Variants in PKHD1 observed in about 807,000 individuals in gnomAD.
PKHD1 encodes the protein PKHD1 ciliary IPT domain containing fibrocystin/polyductin.
A neutral mutation model predicts 412.0 loss-of-function variants in PKHD1; 291 were observed. The ratio of observed to expected loss-of-function variants is 0.71; its 90% CI spans 0.64 to 0.78. The LOEUF (loss-of-function observed/expected upper bound fraction) is 0.78. Ranked by LOEUF, PKHD1 falls within the 30% of genes least tolerant of loss-of-function variation. PKHD1 has a pLI of 0.00. For missense variants in PKHD1, 4,825 were observed against 4,950.7 expected (o/e 0.97, Z 0.76); for synonymous variants, 1,777 against 1,821.5 (o/e 0.98, Z 0.62).
At chr6:51,981,527 C>G (rs543339163) in intron 35 of PKHD1, among the ~76,000 whole-genome samples, 21 of 151,740 alleles carry the variant, frequency 1.4e-4, no homozygotes, top group Middle Eastern at 3.4e-3. Context: ...CTGTGTTGGC[C>G]GGGCTGGTCT....
intron 27 of PKHD1, among the ~76,000 whole-genome samples, chr6:52,037,961 T>C (rs1046041351): frequency 2.0e-5 from 3 of 152,166 alleles, no homozygotes; most frequent in Admixed American, 6.5e-5. Context: ...GTTATTACCC[T>C]AGATCCCAAT....
intron 60 of PKHD1, 118 bp downstream of exon 60, chr6:51,744,267 C>T: frequency 1.1e-6 from 1 of 886,868 alleles, no homozygotes; most frequent in Non-Finnish European, 1.9e-6. Context: ...AGCACAGACT[C>T]CAACTCTAGA....
At chr6:51,649,248 CATCCTTAGGATTACACAT>C in intron 61 of PKHD1, 28 bp from the exon 62 acceptor site, 1 of 1,565,114 alleles carries the variant, frequency 6.4e-7, no homozygotes, top group Non-Finnish European at 8.8e-7. Context: ...AAACAAAATA[CATCCTTAGGATTACACAT>C]ATCCCTATGG....
At chr6:51,763,132 A>G (rs1159923178) in intron 55 of PKHD1, among the ~76,000 whole-genome samples, 1 of 152,120 alleles carries the variant, frequency 6.6e-6, no homozygotes, top group Non-Finnish European at 1.5e-5. Flanking sequence ...GGAATCAGAC[A>G]AATCAGGGTG....
intron 65 of PKHD1, among the ~76,000 whole-genome samples, chr6:51,632,250 T>A (rs1035004010): frequency 2.6e-5 from 4 of 152,076 alleles, no homozygotes; most frequent in Non-Finnish European, 5.9e-5. Flanking sequence ...TTGAAGTGAG[T>A]TACAATATTT....
chr6:51,949,145 T>C (rs992349259), intron 36 of PKHD1, among the ~76,000 whole-genome samples: 1 of 152,220 alleles, frequency 6.6e-6, no homozygotes, highest in African/African-American at 2.4e-5. Flanking sequence ...ACTCAAAGCT[T>C]GAACTATCTA....
intron 66 of PKHD1, chr6:51,622,447 G>A (rs1205136734): frequency 2.0e-5 from 3 of 152,254 alleles, no homozygotes; most frequent in Non-Finnish European, 4.4e-5. Context: ...GAAGCAGAAG[G>A]ATGAAAAACA....
chr6:51,803,542 C>G (rs1410989449), intron 52 of PKHD1, among the ~76,000 whole-genome samples: 1 of 150,514 alleles, frequency 6.6e-6, no homozygotes, highest in Non-Finnish European at 1.5e-5. Flanking sequence ...CTAGAAGACC[C>G]CAGGAGAAAA....
intron 35 of PKHD1, among the ~76,000 whole-genome samples, chr6:51,965,856 G>A (rs1432873263): frequency 1.3e-5 from 2 of 151,942 alleles, no homozygotes; most frequent in Non-Finnish European, 2.9e-5. Flanking sequence ...AGCTTCAGAG[G>A]ATTTTCAAAG....
intron 60 of PKHD1, among the ~76,000 whole-genome samples, chr6:51,736,796 C>T (rs1407774355): frequency 1.3e-5 from 2 of 152,082 alleles, no homozygotes; most frequent in Admixed American, 1.3e-4. Flanking sequence ...TTTTATAATA[C>T]CATCTTGCTG....
Position 51,677,778 on chromosome 6 carries a change from A to C in PKHD1, c.10157-17809T>G, listed in dbSNP as rs529771348. ...AAGATCAAGAGATGAAAGTTAAGTG[A>C]TGGCATGACAATATGAGAGAGAAGG... On this transcript the variant is annotated intron_variant, in intron 60 of 66. Coordinates refer to ENST00000371117, the MANE Select transcript of PKHD1 (RefSeq NM_138694.4). 3.9e-4 allele frequency among the ~76,000 whole-genome samples: 59 copies of C among 152,238 alleles called. 1 individual carries two copies. In the South Asian group the frequency reaches 6.2e-3, roughly 16 times the overall value.
chr6:51,719,618 C>A (rs1781670848), intron 60 of PKHD1, among the ~76,000 whole-genome samples: 1 of 152,062 alleles, frequency 6.6e-6, no homozygotes, highest in Admixed American at 6.6e-5. Context: ...TTTTATGAGA[C>A]CCCAAATGTG....
chr6:51,950,220 A>AAAAATATATATAT, intron 36 of PKHD1, among the ~76,000 whole-genome samples: 2,517 of 98,106 alleles, frequency 0.026, 64 homozygotes, highest in Non-Finnish European at 0.039. Flanking sequence ...GAAAAAAAAA[A>AAAAATATATATAT]ATATATATAT....
At chr6:52,014,447 A>C (rs1457123647) in intron 34 of PKHD1, among the ~76,000 whole-genome samples, 1 of 152,240 alleles carries the variant, frequency 6.6e-6, no homozygotes, top group Non-Finnish European at 1.5e-5. Context: ...AGTACCTGTC[A>C]CAACACCTAG....
At chr6:51,750,351 T>G (rs1229199076) in intron 57 of PKHD1, among the ~76,000 whole-genome samples, 1 of 152,204 alleles carries the variant, frequency 6.6e-6, no homozygotes, top group Non-Finnish European at 1.5e-5. Context: ...CGTAGAACTT[T>G]GGCACAAAGA....
At chr6:51,676,585 G>C (rs7743625) in intron 60 of PKHD1, among the ~76,000 whole-genome samples, 2 of 151,822 alleles carry the variant, frequency 1.3e-5, no homozygotes, top group African/African-American at 4.8e-5. Flanking sequence ...TTCTTTTGTG[G>C]CAAACAACAT....
chr6:51,741,615 C>T (rs769965209), intron 60 of PKHD1, among the ~76,000 whole-genome samples: 21 of 152,222 alleles, frequency 1.4e-4, no homozygotes, highest in Non-Finnish European at 2.5e-4. Flanking sequence ...GGTGCTGTTC[C>T]CATGGTCTCC....
At chr6:51,967,627 A>G (rs565560284) in intron 35 of PKHD1, among the ~76,000 whole-genome samples, 1 of 149,386 alleles carries the variant, frequency 6.7e-6, no homozygotes, top group East Asian at 2.0e-4. Context: ...GGCAAGTGGA[A>G]GTGTGGGAAG....
intron 43 of PKHD1, among the ~76,000 whole-genome samples, chr6:51,896,814 C>T (rs1292139391): frequency 1.3e-5 from 2 of 151,080 alleles, no homozygotes; most frequent in African/African-American, 4.9e-5. Flanking sequence ...CAGAGAAGTG[C>T]TTAAAGGAGC....
Sources: gnomAD v4.1 joint callset for allele counts (sites outside exome capture counted in the v4.1 genomes callset) on GRCh38, gnomAD v4.1.1 for gene constraint, MANE v1.5 for transcripts, NCBI Gene and HGNC (gene_info 2026-07-23, HGNC 2026-07-21) for gene names.